The following MXI1 variants were observed in gnomAD, a reference collection of about 807,000 sequenced individuals.
MXI1 encodes MAX interactor 1, dimerization protein.
Under a neutral mutation model 36.9 loss-of-function variants are expected in MXI1, and 18 were observed. That is an observed-to-expected ratio of 0.49 (90% confidence interval 0.34 to 0.72). MXI1 has a LOEUF of 0.72. Ranked by LOEUF, MXI1 falls within the 30% of genes least tolerant of loss-of-function variation. The pLI is 0.01. For missense variants in MXI1, 304 were observed against 379.1 expected (o/e 0.80, Z 1.64); for synonymous variants, 160 against 146.7 (o/e 1.09, Z -0.65).
At chr10:110,219,010 C>T (rs1854727538) in intron 1 of MXI1, among the ~76,000 whole-genome samples, 1 of 152,186 alleles carries the variant, frequency 6.6e-6, no homozygotes, top group Non-Finnish European at 1.5e-5. Context: ...TTAAATATAA[C>T]TGCATTTGTC....
intron 5 of MXI1, among the ~76,000 whole-genome samples, chr10:110,280,463 A>G (rs1356798510): frequency 3.3e-5 from 5 of 151,874 alleles, no homozygotes; most frequent in South Asian, 2.1e-4. Context: ...GGCAGATCAC[A>G]AGGTCAGGAG....
chr10:110,226,333 G>A, intron 1 of MXI1: 1 of 1,446,028 alleles, frequency 6.9e-7, no homozygotes, highest in Non-Finnish European at 9.1e-7. Context: ...AATCTTTTTC[G>A]GCAGTGCGGT....
chr10:110,244,745 G>A (rs1192840885), intron 2 of MXI1, 83 bp from the exon 3 acceptor site: 5 of 1,138,526 alleles, frequency 4.4e-6, no homozygotes, highest in Non-Finnish European at 6.4e-6. Context: ...TTCACTAGGT[G>A]TAGCATAGCA....
chr10:110,239,119 G>A (rs1012210559), intron 2 of MXI1, among the ~76,000 whole-genome samples: 4 of 151,938 alleles, frequency 2.6e-5, no homozygotes, highest in South Asian at 2.1e-4. Context: ...GTTTCTCAAC[G>A]TTAGCAGTCT....
chr10:110,244,770 T>C (rs1855798848), intron 2 of MXI1, 58 bp from the exon 3 acceptor site: 2 of 1,466,534 alleles, frequency 1.4e-6, no homozygotes, highest in African/African-American at 2.8e-5. Context: ...CTAATCTGTC[T>C]TTCTATAGCT....
chr10:110,251,353 A>G (rs1418308499), intron 3 of MXI1, among the ~76,000 whole-genome samples: 1 of 152,118 alleles, frequency 6.6e-6, no homozygotes, highest in Non-Finnish European at 1.5e-5. Context: ...AATAAATACC[A>G]TGTGTGGCAT....
intron 2 of MXI1, among the ~76,000 whole-genome samples, chr10:110,232,646 G>A (rs142634111): frequency 5.3e-5 from 8 of 152,264 alleles, no homozygotes; most frequent in East Asian, 3.9e-4. Context: ...ACAGTGCCCC[G>A]TAAATAGTAT....
chr10:110,211,139 T>TC (rs1245327195), intron 1 of MXI1, among the ~76,000 whole-genome samples: 1 of 143,172 alleles, frequency 7.0e-6, no homozygotes, highest in Non-Finnish European at 1.5e-5. Flanking sequence ...GTGCACAACC[T>TC]CCCCGCCTTC....
chr10:110,273,948 T>C (rs752977242), intron 3 of MXI1, among the ~76,000 whole-genome samples: 1 of 152,220 alleles, frequency 6.6e-6, no homozygotes, highest in African/African-American at 2.4e-5. Flanking sequence ...AAAAACATAA[T>C]CAAATGATAC....
chr10:110,242,886 G>A (rs1855724922), intron 2 of MXI1, among the ~76,000 whole-genome samples: 1 of 151,842 alleles, frequency 6.6e-6, no homozygotes, highest in Admixed American at 6.6e-5. Flanking sequence ...TAAATACAAT[G>A]TTTCCATTTA....
chr10:110,210,338 C>T (rs1854480709), intron 1 of MXI1: 1 of 962,068 alleles, frequency 1.0e-6, no homozygotes, highest in South Asian at 4.8e-5. Context: ...TCCCTCGGCC[C>T]CGCAGCCCCC....
rs980451740 is a variant in MXI1, at chr10:110,249,547, C to T, written c.437+4690C>T. On this transcript the variant is annotated intron_variant, in intron 3 of 5. Transcript: ENST00000332674. ...TGAGCCAAGATCACACCACTGCATTCCAGCCTCGGTGACAGAGCAAGACTT... is the reference window on the plus strand; with the variant it reads ...TGAGCCAAGATCACACCACTGCATTTCAGCCTCGGTGACAGAGCAAGACTT... 5.3e-5 allele frequency among the ~76,000 whole-genome samples: 8 copies of T among 150,590 alleles called. No individual in the cohort carries two copies. In the South Asian group the frequency reaches 1.5e-3, roughly 28 times the overall value.
chr10:110,285,514 A>G lies in MXI1; in HGVS notation c.*527A>G, dbSNP rs1262934282. On this transcript the variant is annotated 3_prime_UTR_variant, in exon 6 of 6. Transcript: ENST00000332674. ...TTTATCATGAAGCCTGTGGATGATC[A>G]ATCCTTTATTATTATTTTTTTTTTT... 2 of 145,060 alleles carry G rather than the reference A, an allele frequency of 1.4e-5. No individual in the cohort carries two copies. Among genetic ancestry groups the G allele is most frequent in the African/African-American group, 5.2e-5 (2 of 38,542 alleles). 9.0% of individuals were successfully genotyped at this position (145,060 alleles called of 1,614,324 possible). A position where few individuals can be genotyped will look rare whatever the true frequency, so the allele number is the denominator to read the frequency against.
intron 2 of MXI1, among the ~76,000 whole-genome samples, chr10:110,236,661 A>G (rs185870350): frequency 8.5e-5 from 13 of 152,256 alleles, no homozygotes; most frequent in African/African-American, 3.1e-4. Flanking sequence ...GGCTTTCACC[A>G]TGTTGCCCAG....
intron 1 of MXI1, 150 bp from the exon 2 acceptor site, chr10:110,228,039 G>A (rs376146145): frequency 6.2e-6 from 5 of 802,706 alleles, no homozygotes; most frequent in African/African-American, 5.2e-5. Flanking sequence ...CCAGGCGAGG[G>A]ACATTAATTT....
At chr10:110,225,907 A>T in intron 1 of MXI1, 1 of 656,426 alleles carries the variant, frequency 1.5e-6, no homozygotes, top group Non-Finnish European at 1.9e-6. Context: ...CGGGTGCGGG[A>T]CTACATTTCC....
chr10:110,214,821 A>G, intron 1 of MXI1, among the ~76,000 whole-genome samples: 1 of 149,358 alleles, frequency 6.7e-6, no homozygotes. Context: ...GGGGAGATGA[A>G]TTGTGGTTTT....
At chr10:110,283,779 ATTTTT>A (rs60831569) in intron 5 of MXI1, among the ~76,000 whole-genome samples, 1 of 147,270 alleles carries the variant, frequency 6.8e-6, no homozygotes, top group Non-Finnish European at 1.5e-5. Flanking sequence ...AACAATTAAG[ATTTTT>A]TTTTTTATTT....
intron 3 of MXI1, among the ~76,000 whole-genome samples, chr10:110,267,570 G>C (rs1197789642): frequency 6.6e-6 from 1 of 152,088 alleles, no homozygotes; most frequent in African/African-American, 2.4e-5. Flanking sequence ...CGACAAAGCT[G>C]TGAAAAAAAT....
Sources: gnomAD v4.1 joint callset for allele counts (sites outside exome capture counted in the v4.1 genomes callset) on GRCh38, gnomAD v4.1.1 for gene constraint, MANE v1.5 for transcripts, NCBI Gene and HGNC (gene_info 2026-07-23, HGNC 2026-07-21) for gene names.